CFAP20DC: variants seen among roughly 807,000 people sequenced by gnomAD.
CFAP20DC encodes CFAP20 domain containing.
Under a neutral mutation model 101.7 loss-of-function variants are expected in CFAP20DC, and 84 were observed. The ratio of observed to expected loss-of-function variants is 0.83; its 90% confidence interval spans 0.69 to 0.99. The LOEUF (loss-of-function observed/expected upper bound fraction) is 0.99. Ranked by LOEUF, CFAP20DC falls within the 50% of genes least tolerant of loss-of-function variation. The pLI, the probability that CFAP20DC is intolerant of heterozygous loss-of-function variation, is 0.00. For synonymous variants in CFAP20DC, 359 were observed against 351.2 expected, an observed-to-expected ratio of 1.02 and a Z score of -0.25; for missense variants, 1,007 against 970.3, an observed-to-expected ratio of 1.04 and a Z score of -0.50.
intron 4 of CFAP20DC, among the ~76,000 whole-genome samples, chr3:59,037,541 C>T (rs1398301187): frequency 6.6e-6 from 1 of 152,054 alleles, no homozygotes; most frequent in African/African-American, 2.4e-5. Flanking sequence ...AGCTCATCAT[C>T]ACTGGTCTTG....
chr3:58,937,704 G>T lies in CFAP20DC; in HGVS notation c.337C>A (p.Leu113Ile). The T allele has an allele frequency of 6.2e-7, 1 of 1,612,862 alleles. No homozygotes were observed. Among genetic ancestry groups the T allele is most frequent in the Non-Finnish European group, 8.5e-7 (1 of 1,178,970 alleles). Residue 113 changes from leucine (L) to isoleucine (I), a missense_variant, in exon 5 of 17, where the codon CTA (leucine) becomes ATA (isoleucine). By Grantham distance (5) the Leu-to-Ile change is conservative. Transcript: ENST00000482387. ...TTTGCATGAAGAGGGGTGGAGGATAGTTCCTTATGGACCGTTGATAAATAT... is the reference window on the plus strand; with the variant it reads ...TTTGCATGAAGAGGGGTGGAGGATATTTCCTTATGGACCGTTGATAAATAT... Reference protein sequence around the residue: ...RLYLSTVHKELSSTPLHAKIP... With the variant: ...RLYLSTVHKEISSTPLHAKIP...
In CFAP20DC at chr3:59,047,165, T is replaced by A; in HGVS notation, c.111A>T (p.Lys37Asn). The A allele has an allele frequency of 6.5e-7, 1 of 1,527,340 alleles. No individual in the cohort carries two copies. The highest frequency in any genetic ancestry group is 8.8e-7 in the Non-Finnish European group (1 of 1,139,630). 94.6% of individuals were successfully genotyped at this position (1,527,340 alleles called of 1,614,324 possible). ...KILGSPSVIW[K>N]EFDKEVKSFV... ...TGTGGCTCTAATTTCTAATACTTACTTTCCAAATCACAGATGGACTACCAA... is the reference window on the plus strand; with the variant it reads ...TGTGGCTCTAATTTCTAATACTTACATTCCAAATCACAGATGGACTACCAA... Residue 37 changes from lysine to asparagine, a missense_variant and splice_region_variant, in exon 2 of 17, where the codon AAA (lysine) becomes AAT (asparagine). Physicochemically the swap from Lys to Asn is moderately conservative, Grantham distance 94. Coordinates refer to ENST00000482387, the MANE Select transcript of CFAP20DC (RefSeq NM_001394063.1).
intron 14 of CFAP20DC, among the ~76,000 whole-genome samples, chr3:58,820,894 T>C (rs1269871794): frequency 6.7e-6 from 1 of 150,062 alleles, no homozygotes; most frequent in Non-Finnish European, 1.5e-5. Flanking sequence ...CTTCAAACTA[T>C]ACTACAAGGC....
At position 58,869,591 on chromosome 3, in the gene CFAP20DC, G is replaced by GA; in HGVS notation, c.853-102dup. On this transcript the variant is annotated intron_variant, in intron 8 of 16. Coordinates refer to ENST00000482387, the MANE Select transcript of CFAP20DC (RefSeq NM_001394063.1). The surrounding 1 kb of genome is among the most constrained non-coding windows in gnomAD (Gnocchi z 4.3). ...TAATATTTGGACCAATGAAGAGTGA[G>GA]AAAAAAACTAGAGGAAATGAGGTTA... 1 of 852,012 alleles carries GA rather than the reference G, an allele frequency of 1.2e-6. No individual in the cohort carries two copies. Among genetic ancestry groups the GA allele is most frequent in the East Asian group, 2.9e-5 (1 of 34,500 alleles). The allele number at this position is 852,012 out of a possible 1,614,324, so 52.8% of individuals were successfully genotyped here. A position where few individuals can be genotyped will look rare whatever the true frequency, so the allele number is the denominator to read the frequency against.
At chr3:58,916,228 A>G (rs1250182762) in intron 5 of CFAP20DC, among the ~76,000 whole-genome samples, 4 of 152,098 alleles carry the variant, frequency 2.6e-5, no homozygotes, top group African/African-American at 4.8e-5. Context: ...TGAGCAACAA[A>G]TACATTTTCC....
chr3:58,820,908 A>G (rs1345801934), intron 14 of CFAP20DC, among the ~76,000 whole-genome samples: 1 of 150,572 alleles, frequency 6.6e-6, no homozygotes, highest in Non-Finnish European at 1.5e-5. Flanking sequence ...ACAAGGCTAC[A>G]GTAACCAAAA....
At chr3:58,876,193 C>A (rs1343809390) in intron 7 of CFAP20DC, among the ~76,000 whole-genome samples, 1 of 151,882 alleles carries the variant, frequency 6.6e-6, no homozygotes, top group Non-Finnish European at 1.5e-5. Flanking sequence ...ATGAACACAC[C>A]AATTCTTAAG....
rs146613747 is a variant in CFAP20DC at position 58,795,288 on chromosome 3, A to T, written c.2237+11107T>A. Among the ~76,000 whole-genome samples the T allele has an allele frequency of 5.3e-5, 8 of 152,344 alleles. No homozygotes were observed. In the East Asian group the frequency reaches 1.5e-3, roughly 29 times the overall value. ...TCTGAGTTCAGCATCTGGATGGATAACAATTGCTGGGGAGGCTTCAGTAAT... is the reference window on the plus strand; with the variant it reads ...TCTGAGTTCAGCATCTGGATGGATATCAATTGCTGGGGAGGCTTCAGTAAT... On this transcript the variant is annotated intron_variant, in intron 15 of 16. Coordinates refer to ENST00000482387, the MANE Select transcript of CFAP20DC (RefSeq NM_001394063.1). The surrounding 1 kb of genome is among the most constrained non-coding windows in gnomAD (Gnocchi z 4.2).
At chr3:58,818,016 C>T (rs2075329599) in intron 14 of CFAP20DC, among the ~76,000 whole-genome samples, 1 of 150,608 alleles carries the variant, frequency 6.6e-6, no homozygotes, top group Admixed American at 6.6e-5. Context: ...ATTTTCAACC[C>T]AGAATTTCAT....
At chr3:58,736,797 T>G (rs2067767113) in intron 3 of CFAP20DC, among the ~76,000 whole-genome samples, 1 of 152,204 alleles carries the variant, frequency 6.6e-6, no homozygotes. Flanking sequence ...TTCCTACACA[T>G]CACTTTCGTA....
intron 16 of CFAP20DC, among the ~76,000 whole-genome samples, chr3:58,743,861 C>G (rs2068019177): frequency 6.6e-6 from 1 of 152,148 alleles, no homozygotes; most frequent in Admixed American, 6.5e-5. Context: ...GGGTTTAAAA[C>G]TGTACCACAG....
chr3:58,786,597 C>A (rs78020194), intron 15 of CFAP20DC, among the ~76,000 whole-genome samples: 1 of 152,052 alleles, frequency 6.6e-6, no homozygotes, highest in East Asian at 2.0e-4. Context: ...TTCTTAGTAG[C>A]CGTCTCCATT....
At chr3:58,736,686 C>G (rs1011563991) in intron 3 of CFAP20DC, among the ~76,000 whole-genome samples, 1 of 152,142 alleles carries the variant, frequency 6.6e-6, no homozygotes, top group Non-Finnish European at 1.5e-5. Context: ...ATTGACCGTA[C>G]TTATTACCAT....
At chr3:58,943,948 T>C (rs1431660102) in intron 4 of CFAP20DC, among the ~76,000 whole-genome samples, 1 of 151,788 alleles carries the variant, frequency 6.6e-6, no homozygotes, top group Non-Finnish European at 1.5e-5. Flanking sequence ...AATAGCCGAA[T>C]CAATCAAGCG....
chr3:59,005,954 G>A (rs1334966297), intron 4 of CFAP20DC, among the ~76,000 whole-genome samples: 1 of 151,980 alleles, frequency 6.6e-6, no homozygotes, highest in East Asian at 1.9e-4. Flanking sequence ...CATTTATTTA[G>A]GAAAGCTAAA....
intron 4 of CFAP20DC, among the ~76,000 whole-genome samples, chr3:58,957,104 T>C (rs1331679385): frequency 6.6e-6 from 1 of 152,260 alleles, no homozygotes; most frequent in East Asian, 1.9e-4. Context: ...AAACTACCCA[T>C]GTGACAAGGG....
intron 4 of CFAP20DC, among the ~76,000 whole-genome samples, chr3:58,983,516 C>A (rs942482676): frequency 1.3e-5 from 2 of 151,998 alleles, no homozygotes; most frequent in African/African-American, 2.4e-5. Context: ...AAGATTTACA[C>A]AACAAAATCA....
rs2080580726 is a variant in CFAP20DC, at chr3:58,874,639, T to A, written c.716-4330A>T. Among the ~76,000 whole-genome samples the A allele has an allele frequency of 6.6e-6, 1 of 152,196 alleles. No individual in the cohort carries two copies. The highest frequency in any genetic ancestry group is 2.1e-4 in the South Asian group (1 of 4,834). On this transcript the variant is annotated intron_variant, in intron 7 of 16. Coordinates refer to ENST00000482387, the MANE Select transcript of CFAP20DC (RefSeq NM_001394063.1). This position sits in a 1 kb window ranked among gnomAD's most constrained non-coding sequence, Gnocchi z 5.1. ...ATGGCAAGAAGGCTTTTCCTTTCCCTCTTGACCTTTATGCCTCAGTTCACA... is the reference window on the plus strand; with the variant it reads ...ATGGCAAGAAGGCTTTTCCTTTCCCACTTGACCTTTATGCCTCAGTTCACA...
At chr3:58,716,846 C>T (rs2067405904), downstream of CFAP20DC, among the ~76,000 whole-genome samples, 1 of 152,070 alleles carries the variant, frequency 6.6e-6, no homozygotes, top group African/African-American at 2.4e-5. Context: ...GGAAAAGGGC[C>T]AGAGTAACAT....
Sources: allele counts gnomAD v4.1 joint callset (sites outside exome capture counted in the v4.1 genomes callset), GRCh38; gene constraint gnomAD v4.1.1; non-coding constraint Gnocchi (gnomAD v3.1); transcripts MANE v1.5; gene names NCBI Gene and HGNC (gene_info 2026-07-23, HGNC 2026-07-21).